UGT2B10: variants seen among roughly 807,000 people sequenced by gnomAD.
The protein encoded by UGT2B10 is UDP glucuronosyltransferase family 2 member B10, also known as UDP-glucuronosyltransferase 2B10.
Under a neutral mutation model 43.7 loss-of-function variants are expected in UGT2B10, and 51 were observed. The ratio of observed to expected loss-of-function variants is 1.17; its 90% CI spans 0.93 to 1.47. The LOEUF is 1.47. Ranked by LOEUF, UGT2B10 falls within the 40% of genes most tolerant of loss-of-function variation. The pLI, the probability that UGT2B10 is intolerant of heterozygous loss-of-function variation, is 0.00. For synonymous variants in UGT2B10, 225 were observed against 209.0 expected (o/e 1.08, Z -0.66); for missense variants, 696 against 617.7 (o/e 1.13, Z -1.34).
At chr4:68,817,274 A>C (rs912575459) in intron 1 of UGT2B10, among the ~76,000 whole-genome samples, 3 of 151,764 alleles carry the variant, frequency 2.0e-5, no homozygotes, top group African/African-American at 7.2e-5. Flanking sequence ...TTGAAGTTTC[A>C]AATGTTTCTA....
At position 68,822,291 on chromosome 4, in the gene UGT2B10, G is replaced by T. The variant is rs782769475; in HGVS notation, c.888G>T (p.Gln296His). 18 of 1,612,618 alleles carry T rather than the reference G, an allele frequency of 1.1e-5. No homozygotes were observed. Among genetic ancestry groups the T allele is most frequent in the Non-Finnish European group, 1.4e-5 (16 of 1,179,754 alleles). ...PLPKEMEEFV[Q>H]SSGENGVVVF... ...CACAGGAAATGGAGGAGTTTGTACA[G>T]AGCTCTGGAGAAAATGGTGTTGTGG... The change falls in exon 3 of 6, where the codon CAG becomes CAT. Residue 296 changes from glutamine to histidine, a missense_variant. Transcript: ENST00000265403.
rs1014676282 is a variant in UGT2B10, at chr4:68,831,031, G to T, written c.*152G>T. 2.1e-5 allele frequency: 21 copies of T among 1,005,552 alleles called. No homozygotes were observed. The highest frequency in any genetic ancestry group is 3.0e-5 in the Non-Finnish European group (21 of 697,584). The allele number at this position is 1,005,552 out of a possible 1,614,324, so 62.3% of individuals were successfully genotyped here. On this transcript the variant is annotated 3_prime_UTR_variant, in exon 6 of 6. Transcript: ENST00000265403. Reference sequence around the variant, plus strand: ...TTGTCAAGTAAAAATTTGTTTTTCAGAGATTTACCACCCAGTTAATGGTTA... The same window carrying T: ...TTGTCAAGTAAAAATTTGTTTTTCATAGATTTACCACCCAGTTAATGGTTA...
chr4:68,822,693 A>G (rs1902930), intron 3 of UGT2B10, among the ~76,000 whole-genome samples: 1 of 152,112 alleles, frequency 6.6e-6, no homozygotes, highest in African/African-American at 2.4e-5. Context: ...GAGACCCACA[A>G]TTACTTTTAA....
intron 5 of UGT2B10, among the ~76,000 whole-genome samples, chr4:68,829,781 G>C (rs114551267): frequency 6.6e-6 from 1 of 152,028 alleles, no homozygotes; most frequent in Admixed American, 6.6e-5. Flanking sequence ...GGCCAATCTA[G>C]AAGACAGTGT....
In UGT2B10 at chr4:68,816,131, A is replaced by C. The variant is rs1479600225; in HGVS notation, c.112A>C (p.Met38Leu). ...CGCAGAATACAGCCTTTGGATGAAT[A>C]TGAAGACAATCCTGAAAGAACTTGT... ...WAAEYSLWMN[M>L]KTILKELVQR... The change falls in exon 1 of 6, where the codon ATG (methionine) becomes CTG (leucine). Residue 38 changes from methionine (M) to leucine (L), a missense_variant. By Grantham distance (15) the Met-to-Leu change is conservative. Coordinates refer to ENST00000265403, the MANE Select transcript of UGT2B10 (RefSeq NM_001075.6). 6.2e-7 allele frequency: 1 copy of C among 1,613,190 alleles called. No individual in the cohort carries two copies. The highest frequency in any genetic ancestry group is 8.5e-7 in the Non-Finnish European group (1 of 1,179,462).
chr4:68,824,743 A>G (rs1340806968), intron 3 of UGT2B10, among the ~76,000 whole-genome samples: 1 of 152,186 alleles, frequency 6.6e-6, no homozygotes, highest in East Asian at 1.9e-4. Context: ...TGTCTTGGCT[A>G]TAGAAGAACA....
chr4:68,816,128 A>G lies in UGT2B10; in HGVS notation c.109A>G (p.Asn37Asp). The change falls in exon 1 of 6, where the codon AAT (asparagine) becomes GAT (aspartate). Residue 37 changes from asparagine (N) to aspartate (D), a missense_variant. Asn to Asp is a conservative substitution (Grantham distance 23). Transcript: ENST00000265403. ...GGCCGCAGAATACAGCCTTTGGATG[A>G]ATATGAAGACAATCCTGAAAGAACT... is the stretch of plus-strand genomic sequence containing the variant. Reference protein sequence around the residue: ...VWAAEYSLWMNMKTILKELVQ... With the variant: ...VWAAEYSLWMDMKTILKELVQ... 1 of 1,613,326 alleles carries G rather than the reference A, an allele frequency of 6.2e-7. No individual in the cohort carries two copies. The highest frequency in any genetic ancestry group is 1.1e-5 in the South Asian group (1 of 91,068).
Position 68,816,084 on chromosome 4 carries a change from GTGGAAAGGTGC to G in UGT2B10, c.69_79del (p.Lys24MetfsTer24). ...AGTTTTTACTTTAGCTCTGGGAGTT[GTGGAAAGGTGC>G]TGGTATGGGCCGCAGAATACAGCCT... is the stretch of plus-strand genomic sequence containing the variant. On this transcript the variant is annotated frameshift_variant, in exon 1 of 6. Coordinates refer to ENST00000265403, the MANE Select transcript of UGT2B10 (RefSeq NM_001075.6). LOFTEE classifies it high-confidence loss of function. 6.2e-7 allele frequency: 1 copy of G among 1,613,190 alleles called. No homozygotes were observed. Among genetic ancestry groups the G allele is most frequent in the Non-Finnish European group, 8.5e-7 (1 of 1,179,392 alleles).
rs780403686 is a variant in UGT2B10, at chr4:68,816,062, T to A, written c.43T>A (p.Phe15Ile). 6.2e-7 allele frequency: 1 copy of A among 1,613,016 alleles called. No individual in the cohort carries two copies. The highest frequency in any genetic ancestry group is 8.5e-7 in the Non-Finnish European group (1 of 1,179,274). ...TACAGTTCTGCTGATACAACTCAGT[T>A]TTTACTTTAGCTCTGGGAGTTGTGG... ...WTTVLLIQLS[F>I]YFSSGSCGKV... is the part of the protein sequence containing the mutation. Residue 15 changes from phenylalanine (F) to isoleucine (I), a missense_variant, in exon 1 of 6, where the codon TTT becomes ATT. Coordinates refer to ENST00000265403, the MANE Select transcript of UGT2B10 (RefSeq NM_001075.6).
At chr4:68,820,008 G>C (rs949632890) in intron 2 of UGT2B10, among the ~76,000 whole-genome samples, 1 of 151,984 alleles carries the variant, frequency 6.6e-6, no homozygotes, top group African/African-American at 2.4e-5. Context: ...TATAGAGTCA[G>C]TTTCTTAAGA....
At chr4:68,821,832 A>G (rs527400725) in intron 2 of UGT2B10, among the ~76,000 whole-genome samples, 1 of 152,290 alleles carries the variant, frequency 6.6e-6, no homozygotes, top group East Asian at 1.9e-4. Flanking sequence ...TCAAACTAAA[A>G]GAATTCTACA....
intron 5 of UGT2B10, among the ~76,000 whole-genome samples, chr4:68,828,876 G>C (rs1737934519): frequency 6.6e-6 from 1 of 151,966 alleles, no homozygotes; most frequent in Non-Finnish European, 1.5e-5. Flanking sequence ...TCCAGCCATA[G>C]TGGAAGTAAG....
At chr4:68,817,203 T>C (rs1432619944) in intron 1 of UGT2B10, among the ~76,000 whole-genome samples, 1 of 151,780 alleles carries the variant, frequency 6.6e-6, no homozygotes, top group Non-Finnish European at 1.5e-5. Flanking sequence ...ACCAGGAGGT[T>C]GTCTTCACAG....
rs755022877 is a variant in UGT2B10 at position 68,830,877 on chromosome 4, T to G, written c.1585T>G (p.Ter529GluextTer13). The change falls in exon 6 of 6, where the codon TAG (stop) becomes GAG (glutamate). Residue 529 changes from the stop codon to glutamate (E), a stop_lost. Coordinates refer to ENST00000265403, the MANE Select transcript of UGT2B10 (RefSeq NM_001075.6). The stretch of plus-strand genomic sequence containing the variant: ...AAAAGGAAAGAAGGGAAAAAGGGAT[T>G]AGTTATATCTGAGATTTGAAGCTGG... ...ARKGKKGKRD[*>E] is the part of the protein sequence containing the mutation. 8.1e-6 allele frequency: 13 copies of G among 1,611,772 alleles called. No homozygotes were observed. The Admixed American group carries it at 2.2e-4, about 27-fold the overall frequency.
chr4:68,827,212 A>T, intron 4 of UGT2B10, 117 bp from the exon 5 acceptor site: 8 of 1,524,868 alleles, frequency 5.2e-6, no homozygotes, highest in Non-Finnish European at 7.1e-6. Context: ...AAATCTGAAA[A>T]GTAATAGCAA....
In UGT2B10 at chr4:68,816,705, A is replaced by G; in HGVS notation, c.686A>G (p.Lys229Arg). The change falls in exon 1 of 6, where the codon AAG (lysine) becomes AGG (arginine). Residue 229 changes from lysine (K) to arginine (R), a missense_variant. Coordinates refer to ENST00000265403, the MANE Select transcript of UGT2B10 (RefSeq NM_001075.6). ...FDFWFQIFNMKKWDQFYSEVL... is the reference protein window; with the variant it reads ...FDFWFQIFNMRKWDQFYSEVL... ...TTTTGGTTCCAAATATTTAATATGA[A>G]GAAGTGGGATCAGTTTTACAGTGAA... 2 of 1,610,290 alleles carry G rather than the reference A, an allele frequency of 1.2e-6. No individual in the cohort carries two copies. Among genetic ancestry groups the G allele is most frequent in the African/African-American group, 1.3e-5 (1 of 74,842 alleles).
At position 68,827,446 on chromosome 4, in the gene UGT2B10, T is replaced by C; in HGVS notation, c.1205T>C (p.Ile402Thr). The C allele has an allele frequency of 1.2e-6, 2 of 1,613,544 alleles. No homozygotes were observed. The highest frequency in any genetic ancestry group is 2.2e-5 in the South Asian group (2 of 91,074). The change falls in exon 5 of 6, where the codon ATT becomes ACT. Residue 402 changes from isoleucine to threonine, a missense_variant. Coordinates refer to ENST00000265403, the MANE Select transcript of UGT2B10 (RefSeq NM_001075.6). Reference sequence around the variant, plus strand: ...TTGTTTTTTGATCAACCTGATAATATTGCTCACATGAAGGCCAAGGGAGCA... The same window carrying C: ...TTGTTTTTTGATCAACCTGATAATACTGCTCACATGAAGGCCAAGGGAGCA... ...IPLFFDQPDN[I>T]AHMKAKGAAV... is the part of the protein sequence containing the mutation.
chr4:68,829,680 A>G (rs180998073), intron 5 of UGT2B10, among the ~76,000 whole-genome samples: 6 of 152,068 alleles, frequency 3.9e-5, no homozygotes, highest in Non-Finnish European at 8.8e-5. Flanking sequence ...TGGGTATAGC[A>G]AGAAAGAATA....
intron 3 of UGT2B10, among the ~76,000 whole-genome samples, chr4:68,825,787 G>C (rs1408825919): frequency 2.0e-5 from 3 of 152,000 alleles, no homozygotes; most frequent in African/African-American, 7.2e-5. Flanking sequence ...GTGAATAGTA[G>C]TGCAACTAAC....
Sources: gnomAD v4.1 joint callset for allele counts (sites outside exome capture counted in the v4.1 genomes callset) on GRCh38, gnomAD v4.1.1 for gene constraint, MANE v1.5 for transcripts, NCBI Gene and HGNC (gene_info 2026-07-23, HGNC 2026-07-21) for gene names.